DLGAP5: variants seen among roughly 807,000 people sequenced by gnomAD.
DLGAP5 encodes the protein disks large-associated protein 5.
Under a neutral mutation model 99.6 loss-of-function variants are expected in DLGAP5, and 90 were observed. The ratio of observed to expected loss-of-function variants is 0.90; its 90% confidence interval spans 0.76 to 1.08. The LOEUF (loss-of-function observed/expected upper bound fraction) is 1.08, where lower values mean the gene tolerates loss of function less well. DLGAP5 is among the 50% of genes least tolerant of loss of function. DLGAP5 has a pLI of 0.00. For missense variants in DLGAP5, 1,036 were observed against 983.5 expected (o/e 1.05, Z -0.71); for synonymous variants, 311 against 321.3 (o/e 0.97, Z 0.34).
At chr14:55,152,069 T>A in intron 16 of DLGAP5, 128 bp from the exon 17 acceptor site, 1 of 833,978 alleles carries the variant, frequency 1.2e-6, no homozygotes, top group Non-Finnish European at 1.8e-6. Context: ...TTAAGAACAT[T>A]ATAAATCCTA....
chr14:55,186,125 C>T lies in DLGAP5; in HGVS notation c.239-2372G>A, dbSNP rs189003421. On this transcript the variant is annotated intron_variant, in intron 2 of 18. Transcript: ENST00000247191. ...GTCTCTACTAAAAATACAAAATTAGCCAGGCGTGGTGGTGCATGCCTGTAA... is the reference window on the plus strand; with the variant it reads ...GTCTCTACTAAAAATACAAAATTAGTCAGGCGTGGTGGTGCATGCCTGTAA... Among the ~76,000 whole-genome samples the T allele has an allele frequency of 2.6e-5, 4 of 152,182 alleles. No homozygotes were observed. The East Asian group carries it at 7.7e-4, about 29-fold the overall frequency.
chr14:55,165,679 T>C (rs1320594085), intron 12 of DLGAP5, among the ~76,000 whole-genome samples: 1 of 152,190 alleles, frequency 6.6e-6, no homozygotes, highest in South Asian at 2.1e-4. Context: ...CCTATATATA[T>C]GTTTTTTCCT....
rs914051953 is a variant in DLGAP5 at position 55,176,753 on chromosome 14, C to T, written c.1049+309G>A. On this transcript the variant is annotated intron_variant, in intron 8 of 18. Coordinates refer to ENST00000247191, the MANE Select transcript of DLGAP5 (RefSeq NM_014750.5). The stretch of plus-strand genomic sequence containing the variant: ...CAGCACTTTGGGAGGCCGAGGCGGG[C>T]GGATCACGAGGTCAGGAGATCGAGA... Among the ~76,000 whole-genome samples, 8 of 151,668 alleles carry T rather than the reference C, an allele frequency of 5.3e-5. No homozygotes were observed. In the South Asian group the frequency reaches 1.2e-3, roughly 24 times the overall value.
chr14:55,173,822 G>A (rs1332069490), intron 10 of DLGAP5, among the ~76,000 whole-genome samples: 1 of 151,388 alleles, frequency 6.6e-6, no homozygotes, highest in Non-Finnish European at 1.5e-5. Flanking sequence ...CAATACCCTT[G>A]TGATTTCCTA....
rs112526514 is a variant in DLGAP5, at chr14:55,165,866, C to T, written c.1549-2791G>A. Among the ~76,000 whole-genome samples, 98 of 152,222 alleles carry T rather than the reference C, an allele frequency of 6.4e-4. 5 individuals carry two copies. In the East Asian group the frequency reaches 0.01, roughly 16 times the overall value. ...GTAACTAAAACCACAGAAAGCAAGA[C>T]TGCTGATAAGGGGGGGCTACTATAA... is the stretch of plus-strand genomic sequence containing the variant. On this transcript the variant is annotated intron_variant, in intron 12 of 18. Coordinates refer to ENST00000247191, the MANE Select transcript of DLGAP5 (RefSeq NM_014750.5).
chr14:55,166,950 G>T (rs1206109743), intron 12 of DLGAP5, among the ~76,000 whole-genome samples: 1 of 150,948 alleles, frequency 6.6e-6, no homozygotes, highest in African/African-American at 2.4e-5. Context: ...TGGGAAATGA[G>T]CATCAGTCAA....
Position 55,150,840 on chromosome 14 carries a change from C to T in DLGAP5, c.2377G>A (p.Asp793Asn), listed in dbSNP as rs1233770199. The T allele has an allele frequency of 1.3e-6, 2 of 1,578,450 alleles. No individual in the cohort carries two copies. The highest frequency in any genetic ancestry group is 1.9e-5 in the Admixed American group (1 of 51,454). ...CATTCAGTAGTGAGACTTTTATTATCAAATAGTTCTGAAAAACAACAAAAA... is the reference window on the plus strand; with the variant it reads ...CATTCAGTAGTGAGACTTTTATTATTAAATAGTTCTGAAAAACAACAAAAA... ...ETKISQSELFDNKSLTTECHL... is the reference protein window; with the variant it reads ...ETKISQSELFNNKSLTTECHL... The change falls in exon 18 of 19, where the codon GAT becomes AAT. Residue 793 changes from aspartate (D) to asparagine (N), a missense_variant. Coordinates refer to ENST00000247191, the MANE Select transcript of DLGAP5 (RefSeq NM_014750.5).
Position 55,158,702 on chromosome 14 carries a change from C to A in DLGAP5, c.1693G>T (p.Asp565Tyr), listed in dbSNP as rs769773432. The change falls in exon 14 of 19, where the codon GAT becomes TAT. Residue 565 changes from aspartate to tyrosine, a missense_variant. Coordinates refer to ENST00000247191, the MANE Select transcript of DLGAP5 (RefSeq NM_014750.5). ...CTCGCTGCAATTCTTCCAGCATCAT[C>A]CTGTTTTGGTTTACTTGCTATACCT... ...VSGIASKPKQDDAGRIAARNR... is the reference protein window; with the variant it reads ...VSGIASKPKQYDAGRIAARNR... 5.0e-6 allele frequency: 8 copies of A among 1,614,062 alleles called. 1 individual carries two copies. In the South Asian group the frequency reaches 8.8e-5, roughly 18 times the overall value.
At chr14:55,161,793 G>A (rs1317106521) in intron 13 of DLGAP5, among the ~76,000 whole-genome samples, 1 of 131,288 alleles carries the variant, frequency 7.6e-6, no homozygotes, top group African/African-American at 2.8e-5. Context: ...AGAATCACTT[G>A]AACTCAGGAG....
In DLGAP5 at chr14:55,150,862, A is replaced by C; in HGVS notation, c.2369-14T>G. On this transcript the variant is annotated splice_polypyrimidine_tract_variant and intron_variant, in intron 17 of 18. Coordinates refer to ENST00000247191, the MANE Select transcript of DLGAP5 (RefSeq NM_014750.5). The stretch of plus-strand genomic sequence containing the variant: ...TATCAAATAGTTCTGAAAAACAACA[A>C]AAAAAAACTTTTTAAAGAATATTCT... The C allele has an allele frequency of 1.4e-6, 2 of 1,450,650 alleles. No individual in the cohort carries two copies. The highest frequency in any genetic ancestry group is 1.8e-6 in the Non-Finnish European group (2 of 1,098,184). The allele number at this position is 1,450,650 out of a possible 1,614,324, so 89.9% of individuals were successfully genotyped here.
At chr14:55,181,320 T>G (rs368160045) in intron 4 of DLGAP5, 23 bp from the exon 5 acceptor site, 39 of 1,588,228 alleles carry the variant, frequency 2.5e-5, no homozygotes, top group Non-Finnish European at 3.3e-5. Context: ...TTAGGTGCTA[T>G]GTGATTTAAT....
chr14:55,152,138 G>C (rs1219540432), intron 16 of DLGAP5, among the ~76,000 whole-genome samples, 197 bp from the exon 17 acceptor site: 1 of 152,112 alleles, frequency 6.6e-6, no homozygotes, highest in African/African-American at 2.4e-5. Context: ...ATGATTGAAG[G>C]CAAGTTTCTC....
intron 7 of DLGAP5, among the ~76,000 whole-genome samples, chr14:55,178,207 G>A (rs973606145): frequency 4.6e-5 from 7 of 151,936 alleles, no homozygotes; most frequent in Non-Finnish European, 1.0e-4. Context: ...AGCCGAGATC[G>A]TGTCACTGCA....
At chr14:55,188,002 G>A (rs1490461115) in intron 2 of DLGAP5, among the ~76,000 whole-genome samples, 1 of 152,060 alleles carries the variant, frequency 6.6e-6, no homozygotes, top group Non-Finnish European at 1.5e-5. Flanking sequence ...GGGAAATAAA[G>A]GATATTTTAA....
intron 18 of DLGAP5, among the ~76,000 whole-genome samples, chr14:55,148,985 C>T (rs1881920057): frequency 6.6e-6 from 1 of 152,116 alleles, no homozygotes; most frequent in Admixed American, 6.6e-5. Flanking sequence ...TGTGATCCTG[C>T]TGGGATCTTT....
intron 7 of DLGAP5, among the ~76,000 whole-genome samples, chr14:55,178,242 ACT>A (rs1183388315): frequency 2.0e-5 from 3 of 151,614 alleles, no homozygotes; most frequent in Non-Finnish European, 2.9e-5. Context: ...ACAGAGCGAG[ACT>A]CTGTCTCAAA....
chr14:55,177,781 C>T (rs1005562452), intron 7 of DLGAP5, among the ~76,000 whole-genome samples: 12 of 151,620 alleles, frequency 7.9e-5, no homozygotes, highest in Non-Finnish European at 5.9e-5. Context: ...TCGTCATCCG[C>T]CCGCCTAGGC....
chr14:55,152,656 G>T lies in DLGAP5; in HGVS notation c.2064-9C>A. On this transcript the variant is annotated splice_polypyrimidine_tract_variant and intron_variant, in intron 15 of 18. Transcript: ENST00000247191. ...CATCTTCTATGCTGCTCCTAAAGAA[G>T]AAAAAAAGCAGCATTACACTCATAA... is the stretch of plus-strand genomic sequence containing the variant. 1 of 1,584,916 alleles carries T rather than the reference G, an allele frequency of 6.3e-7. No individual in the cohort carries two copies.
chr14:55,164,775 A>G (rs986428594), intron 12 of DLGAP5, among the ~76,000 whole-genome samples: 1 of 151,958 alleles, frequency 6.6e-6, no homozygotes, highest in East Asian at 1.9e-4. Context: ...TACAAAAATT[A>G]GCCAGGCATG....
Sources: allele counts gnomAD v4.1 joint callset (sites outside exome capture counted in the v4.1 genomes callset), GRCh38; gene constraint gnomAD v4.1.1; transcripts MANE v1.5; gene names NCBI Gene and HGNC (gene_info 2026-07-23, HGNC 2026-07-21).